Variants in ELMO1 observed in about 807,000 individuals in gnomAD.
ELMO1 encodes the protein engulfment and cell motility 1.
In ELMO1, 26 loss-of-function variants were observed where a neutral mutation model predicts 98.9. The ratio of observed to expected loss-of-function variants is 0.26; its 90% CI spans 0.19 to 0.36. The LOEUF (loss-of-function observed/expected upper bound fraction) is 0.36. ELMO1 is among the 10% of genes least tolerant of loss of function. The pLI is 1.00. For missense variants in ELMO1, 627 were observed against 935.2 expected (o/e 0.67, Z 4.30); for synonymous variants, 346 against 346.0 (o/e 1.00, Z 0.00).
At chr7:37,035,866 T>G (rs1042730921) in intron 15 of ELMO1, among the ~76,000 whole-genome samples, 1 of 152,242 alleles carries the variant, frequency 6.6e-6, no homozygotes, top group Non-Finnish European at 1.5e-5. Flanking sequence ...TTGAGCTCAC[T>G]GCAACACCAA....
intron 17 of ELMO1, among the ~76,000 whole-genome samples, chr7:36,893,677 T>C (rs561049762): frequency 6.6e-6 from 1 of 152,198 alleles, no homozygotes; most frequent in East Asian, 1.9e-4. Context: ...GCAAACACAA[T>C]ATTAGCTGAG....
At chr7:37,199,399 G>T (rs1792157256) in intron 13 of ELMO1, among the ~76,000 whole-genome samples, 1 of 152,172 alleles carries the variant, frequency 6.6e-6, no homozygotes, top group Non-Finnish European at 1.5e-5. Context: ...GGTGGAGGTT[G>T]CAGTGAGCCA....
intron 15 of ELMO1, 157 bp from the exon 16 acceptor site, chr7:37,013,592 T>TG (rs1297248796): frequency 1.2e-6 from 1 of 807,792 alleles, no homozygotes; most frequent in African/African-American, 1.7e-5. Context: ...AACCAAAGGA[T>TG]GGCCCCCATA....
At chr7:37,091,867 C>T (rs558317279) in intron 15 of ELMO1, among the ~76,000 whole-genome samples, 1 of 152,252 alleles carries the variant, frequency 6.6e-6, no homozygotes, top group East Asian at 1.9e-4. Flanking sequence ...CTTATAAAAC[C>T]ATCAGATCTC....
At chr7:37,431,660 A>G (rs1261243916) in intron 1 of ELMO1, among the ~76,000 whole-genome samples, 1 of 152,248 alleles carries the variant, frequency 6.6e-6, no homozygotes, top group Non-Finnish European at 1.5e-5. Flanking sequence ...TATTCTGTTA[A>G]TCTTTCTCCC....
chr7:37,029,050 G>C (rs1206646942), intron 15 of ELMO1, among the ~76,000 whole-genome samples: 3 of 152,086 alleles, frequency 2.0e-5, no homozygotes, highest in African/African-American at 7.2e-5. Context: ...GAGTCACAGA[G>C]AGGCTAAGTG....
intron 14 of ELMO1, among the ~76,000 whole-genome samples, chr7:37,124,954 C>T (rs527835408): frequency 6.6e-6 from 1 of 152,266 alleles, no homozygotes; most frequent in Admixed American, 6.5e-5. Context: ...ATCAATGGAA[C>T]AGAACAGAGC....
chr7:37,330,810 CT>C (rs1423176055), intron 2 of ELMO1, among the ~76,000 whole-genome samples: 12 of 152,128 alleles, frequency 7.9e-5, no homozygotes, highest in Non-Finnish European at 1.6e-4. Flanking sequence ...TTAAAGGAAG[CT>C]TCTCTTGGGT....
intron 15 of ELMO1, among the ~76,000 whole-genome samples, chr7:37,050,608 G>GC (rs1796047027): frequency 2.3e-5 from 2 of 88,142 alleles, no homozygotes; most frequent in African/African-American, 4.9e-5. Context: ...TAGGTGCTCT[G>GC]AACACACACA....
chr7:37,057,508 G>C (rs1796448321), intron 15 of ELMO1, among the ~76,000 whole-genome samples: 1 of 152,172 alleles, frequency 6.6e-6, no homozygotes, highest in Admixed American at 6.5e-5. Context: ...ATCTACACAA[G>C]AGCTTCTTTC....
At chr7:37,212,157 A>G (rs373810372) in intron 12 of ELMO1, among the ~76,000 whole-genome samples, 7 of 152,226 alleles carry the variant, frequency 4.6e-5, no homozygotes, top group South Asian at 2.1e-4. Flanking sequence ...AATTTCAATT[A>G]TATGAGGTCC....
chr7:37,382,828 GGT>G (rs2131390900), intron 1 of ELMO1, among the ~76,000 whole-genome samples: 1 of 151,608 alleles, frequency 6.6e-6, no homozygotes, highest in African/African-American at 2.4e-5. Flanking sequence ...GTTTCTCCCA[GGT>G]GTATGCATGC....
intron 15 of ELMO1, among the ~76,000 whole-genome samples, chr7:37,041,213 T>G (rs6969566): frequency 0.12 from 18,640 of 152,190 alleles, 1,542 homozygotes; most frequent in African/African-American, 0.25. Context: ...ACGACTCTCG[T>G]GCTACATTGT....
At position 36,853,826 on chromosome 7, in the gene ELMO1, G is replaced by A. The variant is rs1236990879; in HGVS notation, c.*1725C>T. Reference sequence around the variant, plus strand: ...TCTGACATCCCTCCCAGTGCTGGGAGTTTACAATCCTGATAATGCCTCCAG... The same window carrying A: ...TCTGACATCCCTCCCAGTGCTGGGAATTTACAATCCTGATAATGCCTCCAG... On this transcript the variant is annotated 3_prime_UTR_variant, in exon 22 of 22. Coordinates refer to ENST00000310758, the MANE Select transcript of ELMO1 (RefSeq NM_014800.11). Among the ~76,000 whole-genome samples the A allele has an allele frequency of 2.0e-5, 3 of 152,216 alleles. No homozygotes were observed. Among genetic ancestry groups the A allele is most frequent in the Non-Finnish European group, 4.4e-5 (3 of 68,042 alleles).
chr7:37,000,938 TACACAC>T (rs145766627), intron 16 of ELMO1, among the ~76,000 whole-genome samples: 15 of 147,408 alleles, frequency 1.0e-4, no homozygotes, highest in African/African-American at 3.0e-4. Flanking sequence ...TATATGTGTA[TACACAC>T]ACACACACAC....
At chr7:37,049,226 G>A (rs1795967476) in intron 15 of ELMO1, among the ~76,000 whole-genome samples, 1 of 152,010 alleles carries the variant, frequency 6.6e-6, no homozygotes, top group South Asian at 2.1e-4. Context: ...TGGGGAGAGG[G>A]TCACTGCCTG....
chr7:36,927,874 G>C (rs1306167638), intron 16 of ELMO1, among the ~76,000 whole-genome samples: 1 of 152,162 alleles, frequency 6.6e-6, no homozygotes, highest in African/African-American at 2.4e-5. Flanking sequence ...ACAGTAATGG[G>C]CTCAAGGGGA....
At position 36,878,074 on chromosome 7, in the gene ELMO1, C is replaced by T. The variant is rs1307699750; in HGVS notation, c.1758G>A (p.Leu586=). ...YCRLSPNHKV[L]HYGDLEESPQ... is the part of the protein sequence containing the mutation. Reference sequence around the variant, plus strand: ...GACTCTCTTCTAAGTCTCCGTAATGCAGGACTTTGTGATTTGGCGAAAGCC... The same window carrying T: ...GACTCTCTTCTAAGTCTCCGTAATGTAGGACTTTGTGATTTGGCGAAAGCC... Residue 586 remains leucine (L), a synonymous_variant, in exon 19 of 22, where the codon CTG becomes CTA. Transcript: ENST00000310758. The T allele has an allele frequency of 1.2e-6, 2 of 1,614,100 alleles. No individual in the cohort carries two copies. Among genetic ancestry groups the T allele is most frequent in the East Asian group, 2.2e-5 (1 of 44,868 alleles).
intron 16 of ELMO1, among the ~76,000 whole-genome samples, chr7:36,997,008 A>G (rs994718150): frequency 2.6e-5 from 4 of 152,202 alleles, no homozygotes; most frequent in Middle Eastern, 3.2e-3. Context: ...TCATGAGAAG[A>G]GCTGTGTCCT....
Sources: gnomAD v4.1 joint callset for allele counts (sites outside exome capture counted in the v4.1 genomes callset) on GRCh38, gnomAD v4.1.1 for gene constraint, MANE v1.5 for transcripts, NCBI Gene and HGNC (gene_info 2026-07-23, HGNC 2026-07-21) for gene names.